The following DOT1L variants were observed in gnomAD, a reference collection of about 807,000 sequenced individuals.
DOT1L encodes DOT1 like histone lysine methyltransferase, also known as histone-lysine N-methyltransferase, H3 lysine-79 specific.
Under a neutral mutation model 153.3 loss-of-function variants are expected in DOT1L, and 33 were observed. The observed-to-expected ratio is 0.22, with a 90% CI of 0.16 to 0.29. The LOEUF (loss-of-function observed/expected upper bound fraction) is 0.29, where lower values mean the gene tolerates loss of function less well. Among genes scored for constraint, DOT1L ranks in the 10% least tolerant of loss-of-function variants. DOT1L has a pLI of 1.00. For synonymous variants in DOT1L, 1,135 were observed against 965.1 expected (o/e 1.18, Z -3.26); for missense variants, 1,847 against 2,119.9 (o/e 0.87, Z 2.53).
rs1449702986 is a variant in DOT1L, at chr19:2,165,807, C to A, written c.81+1542C>A. Among the ~76,000 whole-genome samples, 4 of 149,622 alleles carry A rather than the reference C, an allele frequency of 2.7e-5. No individual in the cohort carries two copies. In the South Asian group the frequency reaches 8.4e-4, roughly 31 times the overall value. ...TTTTTGAGACGGAGTCTCGATCTGTCGCCAAAGCTGGAGTGCAGCGGCGCG... is the reference window on the plus strand; with the variant it reads ...TTTTTGAGACGGAGTCTCGATCTGTAGCCAAAGCTGGAGTGCAGCGGCGCG... On this transcript the variant is annotated intron_variant, in intron 1 of 27. Coordinates refer to ENST00000398665, the MANE Select transcript of DOT1L (RefSeq NM_032482.3).
rs1363225349 is a variant in DOT1L, at chr19:2,197,429, C to G, written c.652-2455C>G. Among the ~76,000 whole-genome samples the G allele has an allele frequency of 6.6e-6, 1 of 152,206 alleles. No homozygotes were observed. Among genetic ancestry groups the G allele is most frequent in the African/African-American group, 2.4e-5 (1 of 41,462 alleles). ...GATGGCCAGGAGGGCGCCATGGTGC[C>G]TTCCTCCGCGCGGTCTGGCTGGGCT... is the stretch of plus-strand genomic sequence containing the variant. On this transcript the variant is annotated intron_variant, in intron 7 of 27. Coordinates refer to ENST00000398665, the MANE Select transcript of DOT1L (RefSeq NM_032482.3). The surrounding 1 kb of genome is among the most constrained non-coding windows in gnomAD (Gnocchi z 4.1).
At chr19:2,200,924 T>TATTCCTCATCCTCCCCGC (rs2023241602) in intron 8 of DOT1L, among the ~76,000 whole-genome samples, 1 of 41,310 alleles carries the variant, frequency 2.4e-5, no homozygotes, top group Non-Finnish European at 5.0e-5. Flanking sequence ...GTCCTCCCCG[T>TATTCCTCATCCTCCCCGC]ATTCCTCATC....
chr19:2,203,454 C>T (rs1394783096), intron 9 of DOT1L, among the ~76,000 whole-genome samples: 1 of 152,202 alleles, frequency 6.6e-6, no homozygotes, highest in Non-Finnish European at 1.5e-5. Flanking sequence ...GCTGACCACC[C>T]AGGGGCAAGA....
intron 27 of DOT1L, 25 bp downstream of exon 27, chr19:2,227,152 C>G (rs538434265): frequency 6.4e-7 from 1 of 1,560,520 alleles, no homozygotes; most frequent in African/African-American, 1.4e-5. Context: ...CGTCCGTCCG[C>G]CCCCCGCCCC....
At chr19:2,183,307 A>G (rs998845666) in intron 2 of DOT1L, among the ~76,000 whole-genome samples, 4 of 152,126 alleles carry the variant, frequency 2.6e-5, no homozygotes, top group African/African-American at 9.7e-5. Context: ...AGTAGCAGGG[A>G]TTACAGGTGC....
rs1036106938 is a variant in DOT1L at position 2,207,931 on chromosome 19, C to T, written c.963+251C>T. 3.9e-5 allele frequency among the ~76,000 whole-genome samples: 6 copies of T among 152,108 alleles called. No homozygotes were observed. The highest frequency in any genetic ancestry group is 3.2e-3 in the Middle Eastern group (1 of 316). On this transcript the variant is annotated intron_variant, in intron 11 of 27. Transcript: ENST00000398665. The surrounding 1 kb of genome is among the most constrained non-coding windows in gnomAD (Gnocchi z 4.5). ...GCTGAGTGCTGTCTCCCCTAGTCTA[C>T]GCTCAGCTCCTGGGGTGGGGCGGGG...
At chr19:2,196,481 T>C (rs2023025355) in intron 7 of DOT1L, among the ~76,000 whole-genome samples, 1 of 152,120 alleles carries the variant, frequency 6.6e-6, no homozygotes, top group Admixed American at 6.5e-5. Flanking sequence ...TAAAGGCGCA[T>C]GCCACCACGC....
Position 2,189,700 on chromosome 19 carries a change from G to A in DOT1L, c.201-32G>A, listed in dbSNP as rs367786294. The A allele has an allele frequency of 4.4e-6, 7 of 1,606,278 alleles. No homozygotes were observed. The Admixed American group carries it at 5.0e-5, about 11-fold the overall frequency. ...CCATGCATGCGGCTGGCTCCTGCCC[G>A]CATGACCAGGGCCTTCCCTTGCCTT... On this transcript the variant is annotated intron_variant, in intron 3 of 27. Coordinates refer to ENST00000398665, the MANE Select transcript of DOT1L (RefSeq NM_032482.3).
chr19:2,223,557 TGTGGGTGG>T (rs1005142362), intron 25 of DOT1L, 71 bp downstream of exon 25: 2 of 14,470 alleles, frequency 1.4e-4, no homozygotes, highest in South Asian at 7.3e-4. Context: ...ACTGTGTGTG[TGTGGGTGG>T]GTGGGTGGGG....
intron 7 of DOT1L, 48 bp downstream of exon 7, chr19:2,194,625 G>A (rs185877819): frequency 2.1e-5 from 29 of 1,394,970 alleles, no homozygotes; most frequent in East Asian, 1.2e-4. Flanking sequence ...CCCCACCCCC[G>A]CTCCCACCCT....
At chr19:2,211,930 C>T (rs2023729265) in intron 16 of DOT1L, 88 bp downstream of exon 16, 4 of 1,305,072 alleles carry the variant, frequency 3.1e-6, no homozygotes, top group Non-Finnish European at 4.2e-6. Context: ...TGGCAGAGGC[C>T]CTGGAGCGCA....
chr19:2,214,073 G>A (rs2023814601), intron 18 of DOT1L, 87 bp downstream of exon 18: 9 of 1,508,750 alleles, frequency 6.0e-6, no homozygotes, highest in Non-Finnish European at 8.0e-6. Flanking sequence ...GGGAGGCTCT[G>A]GAAGGCCCGC....
chr19:2,173,707 A>G lies in DOT1L; in HGVS notation c.82-7006A>G, dbSNP rs539890955. Among the ~76,000 whole-genome samples the G allele has an allele frequency of 3.3e-5, 5 of 152,300 alleles. No individual in the cohort carries two copies. In the South Asian group the frequency reaches 1.0e-3, roughly 32 times the overall value. ...TGCCCGGAAGACCTCCCCCAGACCC[A>G]TAGATGCTCTGTGTCCTTGGTGGGC... On this transcript the variant is annotated intron_variant, in intron 1 of 27. Transcript: ENST00000398665.
intron 25 of DOT1L, among the ~76,000 whole-genome samples, chr19:2,224,306 C>G (rs1568369713): frequency 6.6e-6 from 1 of 152,286 alleles, no homozygotes; most frequent in East Asian, 1.9e-4. Flanking sequence ...GCCCGGCCCC[C>G]TGGGCTCTCC....
chr19:2,170,869 G>A lies in DOT1L; in HGVS notation c.81+6604G>A, dbSNP rs12983357. Reference sequence around the variant, plus strand: ...GGCCCACTCCCTCCAGGAGTCTCCCGGAACGTGTGTCTCCCGGGACCTGTC... The same window carrying A: ...GGCCCACTCCCTCCAGGAGTCTCCCAGAACGTGTGTCTCCCGGGACCTGTC... On this transcript the variant is annotated intron_variant, in intron 1 of 27. Coordinates refer to ENST00000398665, the MANE Select transcript of DOT1L (RefSeq NM_032482.3). 6.5e-3 allele frequency among the ~76,000 whole-genome samples: 992 copies of A among 151,968 alleles called. 9 individuals carry two copies. The highest frequency in any genetic ancestry group is 0.023 in the African/African-American group (939 of 41,458).
At position 2,191,764 on chromosome 19, in the gene DOT1L, G is replaced by A. The variant is rs1026758868; in HGVS notation, c.493+524G>A. On this transcript the variant is annotated intron_variant, in intron 5 of 27. Coordinates refer to ENST00000398665, the MANE Select transcript of DOT1L (RefSeq NM_032482.3). This position sits in a 1 kb window ranked among gnomAD's most constrained non-coding sequence, Gnocchi z 6.8. ...TCTCCCTCGGCACCCCTGCGTCTGG[G>A]CCGTGCCCTGCCCCTCCCAGGTTGG... 6.6e-6 allele frequency among the ~76,000 whole-genome samples: 1 copy of A among 152,050 alleles called. No individual in the cohort carries two copies. The highest frequency in any genetic ancestry group is 6.6e-5 in the Admixed American group (1 of 15,258).
chr19:2,184,483 C>G (rs1323177021), intron 2 of DOT1L, among the ~76,000 whole-genome samples: 1 of 152,036 alleles, frequency 6.6e-6, no homozygotes, highest in Non-Finnish European at 1.5e-5. Context: ...TGAAGCTACT[C>G]TCGGAGTTCT....
chr19:2,187,847 G>A (rs7254427), intron 3 of DOT1L, among the ~76,000 whole-genome samples: 32,947 of 151,282 alleles, frequency 0.22, 3,764 homozygotes, highest in Non-Finnish European at 0.25. Context: ...GTGTGAACCC[G>A]GGAGGCGGAG....
intron 1 of DOT1L, chr19:2,164,471 G>C: frequency 3.0e-6 from 1 of 338,704 alleles, no homozygotes; most frequent in Non-Finnish European, 5.3e-6. Flanking sequence ...CGCGCGCCTG[G>C]GGTGGGAGCG....
Sources: allele counts gnomAD v4.1 joint callset (sites outside exome capture counted in the v4.1 genomes callset), GRCh38; gene constraint gnomAD v4.1.1; non-coding constraint Gnocchi (gnomAD v3.1); transcripts MANE v1.5; gene names NCBI Gene and HGNC (gene_info 2026-07-23, HGNC 2026-07-21).